The following SMYD3 variants were observed in gnomAD, a reference collection of about 807,000 sequenced individuals.
The protein encoded by SMYD3 is histone-lysine N-methyltransferase SMYD3.
Under a neutral mutation model 57.7 loss-of-function variants are expected in SMYD3, and 36 were observed. The ratio of observed to expected loss-of-function variants is 0.62; its 90% CI spans 0.48 to 0.82. The LOEUF (loss-of-function observed/expected upper bound fraction) is 0.82, where lower values mean the gene tolerates loss of function less well. SMYD3 is among the 40% of genes least tolerant of loss of function. SMYD3 has a pLI of 0.00. For missense variants in SMYD3, 515 were observed against 538.8 expected (o/e 0.96, Z 0.44); for synonymous variants, 211 against 195.0 (o/e 1.08, Z -0.68).
At chr1:246,288,059 A>ATTTTTTT (rs1258559424) in intron 5 of SMYD3, among the ~76,000 whole-genome samples, 9 of 98,566 alleles carry the variant, frequency 9.1e-5, no homozygotes, top group Non-Finnish European at 1.2e-4. Flanking sequence ...CCATCAGGTA[A>ATTTTTTT]TTCTTTTTTT....
At chr1:246,429,402 T>G (rs2067267458) in intron 1 of SMYD3, among the ~76,000 whole-genome samples, 1 of 152,194 alleles carries the variant, frequency 6.6e-6, no homozygotes, top group African/African-American at 2.4e-5. Context: ...CCAAGTATCA[T>G]CTTAAGAGGC....
intron 1 of SMYD3, among the ~76,000 whole-genome samples, chr1:246,477,602 T>G (rs1210080133): frequency 6.6e-6 from 1 of 152,256 alleles, no homozygotes; most frequent in Non-Finnish European, 1.5e-5. Flanking sequence ...TTGTTTTACA[T>G]GTAGTAAATT....
chr1:246,233,080 A>T (rs1192496834), intron 5 of SMYD3, among the ~76,000 whole-genome samples: 4 of 130,380 alleles, frequency 3.1e-5, no homozygotes, highest in African/African-American at 5.5e-5. Context: ...ATGAACATAT[A>T]CCACACAGAG....
In SMYD3 at chr1:245,786,213, C is replaced by CGTGG. The variant is rs1553321336; in HGVS notation, c.1077-22065_1077-22064insCCAC. On this transcript the variant is annotated intron_variant, in intron 10 of 11. Coordinates refer to ENST00000490107, the MANE Select transcript of SMYD3 (RefSeq NM_001167740.2). Reference sequence around the variant, plus strand: ...GCACTGAGTTGAGTTGGGGTGTGGACGGGGGGGGGATGGTGGCAACAGAAT... The same window carrying CGTGG: ...GCACTGAGTTGAGTTGGGGTGTGGACGTGGGGGGGGGGGATGGTGGCAACAGAAT... 9.6e-5 allele frequency among the ~76,000 whole-genome samples: 10 copies of CGTGG among 104,040 alleles called. 1 individual carries two copies. Among genetic ancestry groups the CGTGG allele is most frequent in the African/African-American group, 4.0e-4 (10 of 24,888 alleles). The allele number at this position is 104,040 out of a possible 152,430, so 68.3% of individuals were successfully genotyped here.
At chr1:246,381,338 T>A (rs534531296) in intron 1 of SMYD3, among the ~76,000 whole-genome samples, 2 of 152,088 alleles carry the variant, frequency 1.3e-5, no homozygotes, top group African/African-American at 2.4e-5. Flanking sequence ...CATAAAAAAA[T>A]AAAAACAAAA....
At chr1:245,876,375 C>T (rs1320447060) in intron 8 of SMYD3, among the ~76,000 whole-genome samples, 1 of 152,176 alleles carries the variant, frequency 6.6e-6, no homozygotes. Context: ...GGTATCTTTT[C>T]TAAGCTCCCC....
intron 5 of SMYD3, among the ~76,000 whole-genome samples, chr1:246,098,000 T>C (rs996736499): frequency 6.6e-6 from 1 of 152,246 alleles, no homozygotes; most frequent in African/African-American, 2.4e-5. Flanking sequence ...GTAGTGTTTT[T>C]GTTGCAACCC....
At chr1:245,995,525 C>G (rs1386242949) in intron 5 of SMYD3, among the ~76,000 whole-genome samples, 1 of 152,212 alleles carries the variant, frequency 6.6e-6, no homozygotes, top group African/African-American at 2.4e-5. Context: ...GATGATATTT[C>G]AAGATATCAA....
intron 10 of SMYD3, among the ~76,000 whole-genome samples, chr1:245,822,189 C>T (rs2049197833): frequency 6.6e-6 from 1 of 152,044 alleles, no homozygotes; most frequent in South Asian, 2.1e-4. Flanking sequence ...AAATGTGGCA[C>T]ATATACACCA....
chr1:246,420,411 G>A (rs969589223), intron 1 of SMYD3, among the ~76,000 whole-genome samples: 4 of 152,142 alleles, frequency 2.6e-5, no homozygotes, highest in Non-Finnish European at 5.9e-5. Flanking sequence ...CAATAAACAT[G>A]TATTAAGCAC....
At chr1:246,101,068 T>G (rs2061003448) in intron 5 of SMYD3, among the ~76,000 whole-genome samples, 1 of 49,774 alleles carries the variant, frequency 2.0e-5, no homozygotes, top group African/African-American at 4.1e-5. Context: ...TTAGGGGTTT[T>G]TTGTTTTTTT....
intron 10 of SMYD3, among the ~76,000 whole-genome samples, chr1:245,798,409 CA>C (rs2047667862): frequency 6.4e-5 from 1 of 15,628 alleles, no homozygotes. Flanking sequence ...CACACACATA[CA>C]CACACATACA....
chr1:245,811,610 C>T (rs768928039), intron 10 of SMYD3, among the ~76,000 whole-genome samples: 3 of 152,186 alleles, frequency 2.0e-5, no homozygotes, highest in Middle Eastern at 3.2e-3. Context: ...TTTACAACCA[C>T]AGTTCCATTT....
intron 3 of SMYD3, among the ~76,000 whole-genome samples, chr1:246,331,642 C>A (rs1327531154): frequency 6.6e-6 from 1 of 152,178 alleles, no homozygotes; most frequent in Non-Finnish European, 1.5e-5. Flanking sequence ...TAATTTCAGC[C>A]TTAAATAGGA....
At chr1:245,898,764 CTTGT>C (rs2053996358) in intron 8 of SMYD3, among the ~76,000 whole-genome samples, 2 of 152,284 alleles carry the variant, frequency 1.3e-5, no homozygotes, top group South Asian at 4.1e-4. Context: ...GTAATCATAG[CTTGT>C]TTGTTTTTTG....
intron 5 of SMYD3, among the ~76,000 whole-genome samples, chr1:245,943,567 G>A (rs1344816150): frequency 6.6e-6 from 1 of 152,146 alleles, no homozygotes; most frequent in Non-Finnish European, 1.5e-5. Flanking sequence ...AGACGAAGTG[G>A]TACCATTTAT....
chr1:245,954,431 T>C (rs1189177390), intron 5 of SMYD3, among the ~76,000 whole-genome samples: 1 of 152,154 alleles, frequency 6.6e-6, no homozygotes, highest in African/African-American at 2.4e-5. Flanking sequence ...CTTAGCACTT[T>C]GGGAGACTGA....
At chr1:246,413,839 G>A (rs948347913) in intron 1 of SMYD3, among the ~76,000 whole-genome samples, 1 of 152,152 alleles carries the variant, frequency 6.6e-6, no homozygotes, top group African/African-American at 2.4e-5. Flanking sequence ...CCCAGCCTCA[G>A]GTACTTCTTT....
At chr1:246,270,174 C>A (rs5028121) in intron 5 of SMYD3, among the ~76,000 whole-genome samples, 50,677 of 151,924 alleles carry the variant, frequency 0.33, 9,315 homozygotes, top group East Asian at 0.72. Flanking sequence ...TTCTTTAAAA[C>A]TATATATAAC....
Sources: allele counts gnomAD v4.1 joint callset (sites outside exome capture counted in the v4.1 genomes callset), GRCh38; gene constraint gnomAD v4.1.1; transcripts MANE v1.5; gene names NCBI Gene and HGNC (gene_info 2026-07-23, HGNC 2026-07-21).